The following NRTN variants were observed in gnomAD, a reference collection of about 807,000 sequenced individuals.
NRTN encodes the protein prepro-neurturin.
A neutral mutation model predicts 7.5 loss-of-function variants in NRTN; 3 were observed. The ratio of observed to expected loss-of-function variants is 0.40; its 90% CI spans 0.18 to 1.03. NRTN has a LOEUF of 1.03. Among genes scored for constraint, NRTN ranks in the 50% least tolerant of loss-of-function variants. The pLI is 0.34. For missense variants in NRTN, 310 were observed against 307.0 expected (o/e 1.01, Z -0.07); for synonymous variants, 157 against 146.6 (o/e 1.07, Z -0.51).
At position 5,827,986 on chromosome 19, in the gene NRTN, C is replaced by A; in HGVS notation, c.407C>A (p.Ala136Asp). The A allele has an allele frequency of 6.8e-7, 1 of 1,462,496 alleles. No homozygotes were observed. The highest frequency in any genetic ancestry group is 2.4e-5 in the Admixed American group (1 of 41,696). 90.6% of individuals were successfully genotyped at this position (1,462,496 alleles called of 1,614,324 possible). A position where few individuals can be genotyped will look rare whatever the true frequency, so the allele number is the denominator to read the frequency against. Residue 136 changes from alanine to aspartate, a missense_variant, in exon 3 of 3, where the codon GCT (alanine) becomes GAT (aspartate). Physicochemically the swap from Ala to Asp is moderately radical, Grantham distance 126. Transcript: ENST00000303212. ...LFRYCAGACE[A>D]AARVYDLGLR... ...CGCTACTGCGCAGGCGCCTGCGAGG[C>A]TGCCGCGCGCGTCTACGACCTCGGG... is the stretch of plus-strand genomic sequence containing the variant.
At chr19:5,820,247 C>A (rs2057019112) in intron 1 of NRTN, among the ~76,000 whole-genome samples, 1 of 95,574 alleles carries the variant, frequency 1.0e-5, no homozygotes, top group African/African-American at 4.9e-5. Flanking sequence ...GCCTGGGCGA[C>A]AGAGCAAGAC....
Position 5,806,501 on chromosome 19 carries a change from C to G in NRTN, c.-399+1050C>G, listed in dbSNP as rs1190080282. ...CCTCTTTGTCTGTCTCTGAGTGCCC[C>G]GGGCTGAGGAAGCCTGGGTGGGGTG... On this transcript the variant is annotated intron_variant, in intron 1 of 2. Coordinates refer to ENST00000303212, the MANE Select transcript of NRTN (RefSeq NM_004558.5). The surrounding 1 kb of genome is among the most constrained non-coding windows in gnomAD (Gnocchi z 5.4). Among the ~76,000 whole-genome samples, 2 of 152,096 alleles carry G rather than the reference C, an allele frequency of 1.3e-5. No individual in the cohort carries two copies. Among genetic ancestry groups the G allele is most frequent in the Non-Finnish European group, 2.9e-5 (2 of 68,020 alleles).
rs990751095 is a variant in NRTN at position 5,806,396 on chromosome 19, C to A, written c.-399+945C>A. On this transcript the variant is annotated intron_variant, in intron 1 of 2. Transcript: ENST00000303212. The surrounding 1 kb of genome is among the most constrained non-coding windows in gnomAD (Gnocchi z 5.4). ...CTTAAAGCAGGGGGGTGCAGGAGGC[C>A]GGACCCCTGACTTTCCTCCCTCTTG... 1.3e-5 allele frequency among the ~76,000 whole-genome samples: 2 copies of A among 152,046 alleles called. No individual in the cohort carries two copies. The highest frequency in any genetic ancestry group is 4.8e-5 in the African/African-American group (2 of 41,392).
chr19:5,810,798 T>C (rs1175515270), intron 1 of NRTN, among the ~76,000 whole-genome samples: 2 of 151,020 alleles, frequency 1.3e-5, no homozygotes. Flanking sequence ...ACATGGTGGC[T>C]CGTGCCTGTA....
At chr19:5,821,772 T>C (rs1201634286) in intron 1 of NRTN, among the ~76,000 whole-genome samples, 1 of 152,160 alleles carries the variant, frequency 6.6e-6, no homozygotes, top group Non-Finnish European at 1.5e-5. Context: ...TTTGTTTAGA[T>C]GCCCTCACGT....
intron 2 of NRTN, among the ~76,000 whole-genome samples, chr19:5,826,880 A>C (rs1002340481): frequency 1.3e-5 from 2 of 152,174 alleles, no homozygotes; most frequent in African/African-American, 4.8e-5. Flanking sequence ...GTGAACGATG[A>C]AGGCAGGAAG....
chr19:5,824,369 C>G (rs578095994), intron 2 of NRTN, 35 bp downstream of exon 2: 1 of 1,570,520 alleles, frequency 6.4e-7, no homozygotes, highest in Admixed American at 1.9e-5. Context: ...CAGATACCCC[C>G]AACGTAAGGG....
At chr19:5,808,417 G>A (rs2056980186) in intron 1 of NRTN, among the ~76,000 whole-genome samples, 1 of 152,190 alleles carries the variant, frequency 6.6e-6, no homozygotes, top group African/African-American at 2.4e-5. Flanking sequence ...AGACTGGTGT[G>A]GTCAAGGTGG....
rs549865175 is a variant in NRTN, at chr19:5,811,853, G to GTTA, written c.-399+6417_-399+6419dup. ...GCTGTGAGCCACCGCACCCGGCCCA[G>GTTA]TTATTATTATTATTATTTTATTTAT... On this transcript the variant is annotated intron_variant, in intron 1 of 2. Coordinates refer to ENST00000303212, the MANE Select transcript of NRTN (RefSeq NM_004558.5). Among the ~76,000 whole-genome samples, 450 of 150,462 alleles carry GTTA rather than the reference G, an allele frequency of 3.0e-3. 2 individuals are homozygous for GTTA. The highest frequency in any genetic ancestry group is 0.011 in the African/African-American group (433 of 40,988).
intron 1 of NRTN, among the ~76,000 whole-genome samples, chr19:5,813,657 G>C (rs1332851262): frequency 6.6e-6 from 1 of 151,082 alleles, no homozygotes. Flanking sequence ...CTCCAGCTTG[G>C]GCAACAGAGC....
At chr19:5,810,655 C>T (rs995051376) in intron 1 of NRTN, among the ~76,000 whole-genome samples, 4 of 152,038 alleles carry the variant, frequency 2.6e-5, no homozygotes, top group East Asian at 1.9e-4. Flanking sequence ...AGGTTACAGC[C>T]GGGCGCAGTG....
rs754091042 is a variant in NRTN at position 5,823,546 on chromosome 19, G to A, written c.-398-222G>A. ...GGACTCCATGTCCAGGGCAGCTCTG[G>A]TCCATTGCTGCCCACTTCTGGGCCT... On this transcript the variant is annotated intron_variant, in intron 1 of 2. Coordinates refer to ENST00000303212, the MANE Select transcript of NRTN (RefSeq NM_004558.5). Among the ~76,000 whole-genome samples, 54 of 152,324 alleles carry A rather than the reference G, an allele frequency of 3.5e-4. 1 individual carries two copies. The highest frequency in any genetic ancestry group is 1.6e-3 in the Admixed American group (25 of 15,300).
intron 1 of NRTN, among the ~76,000 whole-genome samples, chr19:5,810,641 A>G (rs2056987221): frequency 6.6e-6 from 1 of 152,052 alleles, no homozygotes; most frequent in African/African-American, 2.4e-5. Flanking sequence ...GGTTAAGAAT[A>G]TGGAGGTTAC....
chr19:5,826,739 C>T (rs766719953), intron 2 of NRTN, among the ~76,000 whole-genome samples: 28 of 152,296 alleles, frequency 1.8e-4, no homozygotes, highest in Admixed American at 1.3e-4. Flanking sequence ...AGTTCTCTCC[C>T]GGGGCTTCCG....
At chr19:5,811,058 G>A (rs914762493) in intron 1 of NRTN, among the ~76,000 whole-genome samples, 2 of 151,992 alleles carry the variant, frequency 1.3e-5, no homozygotes, top group African/African-American at 2.4e-5. Flanking sequence ...CCAACATGGT[G>A]AAACCCCGTC....
intron 1 of NRTN, among the ~76,000 whole-genome samples, chr19:5,808,196 TTC>T (rs1465825423): frequency 1.3e-5 from 2 of 152,188 alleles, no homozygotes; most frequent in Non-Finnish European, 2.9e-5. Flanking sequence ...GTGCCTCAGT[TTC>T]TCTTTCCATC....
chr19:5,816,263 A>G (rs905086577), intron 1 of NRTN, among the ~76,000 whole-genome samples: 1 of 152,172 alleles, frequency 6.6e-6, no homozygotes, highest in Non-Finnish European at 1.5e-5. Flanking sequence ...AGGATCCCAG[A>G]TGACATTTAG....
chr19:5,825,109 A>G lies in NRTN; in HGVS notation c.169+775A>G, dbSNP rs2057040972. On this transcript the variant is annotated intron_variant, in intron 2 of 2. Coordinates refer to ENST00000303212, the MANE Select transcript of NRTN (RefSeq NM_004558.5). ...GAGCAGGAGCTAAAAACCGGAAGAA[A>G]GGCCCAGAGATTCGAAGGGGTGAGG... Among the ~76,000 whole-genome samples the G allele has an allele frequency of 2.6e-5, 4 of 151,992 alleles. No individual in the cohort carries two copies. The South Asian group carries it at 8.3e-4, about 32-fold the overall frequency.
chr19:5,823,076 AAAAG>A (rs56765175), intron 1 of NRTN, among the ~76,000 whole-genome samples: 13,215 of 72,890 alleles, frequency 0.18, 789 homozygotes, highest in Non-Finnish European at 0.25. Flanking sequence ...AAGGAAGAGA[AAAAG>A]AAAGAGAGAA....
Sources: gnomAD v4.1 joint callset for allele counts (sites outside exome capture counted in the v4.1 genomes callset) on GRCh38, gnomAD v4.1.1 for gene constraint, Gnocchi (gnomAD v3.1) non-coding constraint, MANE v1.5 for transcripts, NCBI Gene and HGNC (gene_info 2026-07-23, HGNC 2026-07-21) for gene names.